Variants in KIAA1549L observed in about 807,000 individuals in gnomAD.
The protein encoded by KIAA1549L is KIAA1549 like.
Under a neutral mutation model 160.7 loss-of-function variants are expected in KIAA1549L, and 88 were observed. The ratio of observed to expected loss-of-function variants is 0.55; its 90% CI spans 0.46 to 0.65. The LOEUF (loss-of-function observed/expected upper bound fraction) is 0.65, where lower values mean the gene tolerates loss of function less well. KIAA1549L is among the 30% of genes least tolerant of loss of function. KIAA1549L has a pLI of 0.00. For missense variants in KIAA1549L, 2,258 were observed against 2,437.5 expected (o/e 0.93, Z 1.55); for synonymous variants, 950 against 976.7 (o/e 0.97, Z 0.51).
At chr11:33,534,197 CTCA>C (rs1489955005) in intron 1 of KIAA1549L, among the ~76,000 whole-genome samples, 1 of 152,078 alleles carries the variant, frequency 6.6e-6, no homozygotes. Flanking sequence ...ATTCTCCTGC[CTCA>C]GCCTCCTGAG....
chr11:33,659,249 G>A (rs1389174997), intron 19 of KIAA1549L, among the ~76,000 whole-genome samples: 1 of 152,160 alleles, frequency 6.6e-6, no homozygotes, highest in African/African-American at 2.4e-5. Flanking sequence ...CCGGGCTTCA[G>A]GTGATAGGTT....
At chr11:33,565,389 G>A (rs1855014881) in intron 8 of KIAA1549L, among the ~76,000 whole-genome samples, 2 of 152,176 alleles carry the variant, frequency 1.3e-5, no homozygotes, top group Admixed American at 6.5e-5. Context: ...CCTTATGATA[G>A]TACCAGGCTA....
chr11:33,461,938 A>G (rs138144657), intron 1 of KIAA1549L, among the ~76,000 whole-genome samples: 192 of 152,348 alleles, frequency 1.3e-3, no homozygotes, highest in Middle Eastern at 6.8e-3. Context: ...TGAAGAAAGT[A>G]TCTGTTGCTG....
intron 1 of KIAA1549L, among the ~76,000 whole-genome samples, chr11:33,531,727 A>G (rs1293675674): frequency 6.6e-6 from 1 of 152,192 alleles, no homozygotes; most frequent in Non-Finnish European, 1.5e-5. Context: ...CACGTTAGGC[A>G]AGAAGGTCCC....
At chr11:33,533,424 T>TG (rs1319447882) in intron 1 of KIAA1549L, among the ~76,000 whole-genome samples, 1 of 152,190 alleles carries the variant, frequency 6.6e-6, no homozygotes, top group Admixed American at 6.5e-5. Flanking sequence ...ACTTTCTTAA[T>TG]TCCTTTTATG....
At chr11:33,649,525 A>ATG (rs1302212947) in intron 17 of KIAA1549L, among the ~76,000 whole-genome samples, 3 of 127,110 alleles carry the variant, frequency 2.4e-5, no homozygotes, top group African/African-American at 8.2e-5. Flanking sequence ...AAAAAAAAAA[A>ATG]AAGAAGCAGC....
chr11:33,531,963 G>A (rs1160806020), intron 1 of KIAA1549L, among the ~76,000 whole-genome samples: 1 of 152,200 alleles, frequency 6.6e-6, no homozygotes, highest in East Asian at 1.9e-4. Flanking sequence ...AGGCAGCTCT[G>A]TGGGCCCCAG....
At chr11:33,623,475 T>C (rs1478841095) in intron 16 of KIAA1549L, among the ~76,000 whole-genome samples, 1 of 152,208 alleles carries the variant, frequency 6.6e-6, no homozygotes, top group Non-Finnish European at 1.5e-5. Context: ...CTTGATATGT[T>C]ATCTCGACTT....
chr11:33,622,575 C>T (rs1850988239), intron 16 of KIAA1549L, among the ~76,000 whole-genome samples: 1 of 152,204 alleles, frequency 6.6e-6, no homozygotes, highest in South Asian at 2.1e-4. Flanking sequence ...TTTCCTCTGT[C>T]CGGAGTGCAC....
At chr11:33,594,444 C>A (rs1850146398) in intron 12 of KIAA1549L, among the ~76,000 whole-genome samples, 1 of 152,140 alleles carries the variant, frequency 6.6e-6, no homozygotes, top group Admixed American at 6.5e-5. Flanking sequence ...GGTGACAGAT[C>A]AACTGGGCTG....
intron 1 of KIAA1549L, among the ~76,000 whole-genome samples, chr11:33,491,943 G>A (rs1852675321): frequency 6.6e-6 from 1 of 152,214 alleles, no homozygotes; most frequent in African/African-American, 2.4e-5. Flanking sequence ...CTAGGGAGGA[G>A]GTCAGAATAG....
chr11:33,422,355 T>G (rs1851030793), intron 1 of KIAA1549L, among the ~76,000 whole-genome samples: 1 of 152,082 alleles, frequency 6.6e-6, no homozygotes, highest in Non-Finnish European at 1.5e-5. Context: ...GTCTTGTACT[T>G]TCTTTCCCCT....
chr11:33,559,862 T>C lies in KIAA1549L; in HGVS notation c.3969T>C (p.Ala1323=). The C allele has an allele frequency of 6.2e-7, 1 of 1,613,558 alleles. No individual in the cohort carries two copies. Among genetic ancestry groups the C allele is most frequent in the Non-Finnish European group, 8.5e-7 (1 of 1,179,432 alleles). The change falls in exon 7 of 21, where the codon GCT becomes GCC. Residue 1323 remains alanine (A), a synonymous_variant. Transcript: ENST00000658780. The stretch of plus-strand genomic sequence containing the variant: ...GCAGCCTCCTCAGCCAGCTCTCGGC[T>C]GAGCTGGTGGGATTCTACCTCACCT... ...VASSLLSQLS[A]ELVGFYLTYP...
chr11:33,656,095 C>T lies in KIAA1549L; in HGVS notation c.5844C>T (p.Val1948=), dbSNP rs556081740. The part of the protein sequence containing the change: ...PVPPRTGPVA[V]ASLRRSTSDI... ...CTCCCCGGACTGGTCCTGTGGCTGT[C>T]GCTTCTCTCAGGCGGTAACACGTTC... Residue 1948 remains valine (V), a synonymous_variant, in exon 18 of 21, where the codon GTC becomes GTT. Coordinates refer to ENST00000658780, the MANE Select transcript of KIAA1549L (RefSeq NM_012194.3). 59 of 1,613,092 alleles carry T rather than the reference C, an allele frequency of 3.7e-5. No individual in the cohort carries two copies. In the South Asian group the frequency reaches 5.6e-4, roughly 15 times the overall value.
intron 15 of KIAA1549L, among the ~76,000 whole-genome samples, chr11:33,611,439 T>G (rs1365265638): frequency 2.0e-5 from 3 of 152,160 alleles, no homozygotes. Flanking sequence ...ATCAACATAA[T>G]TTATTTTCAA....
At chr11:33,656,333 T>C (rs913725717) in intron 18 of KIAA1549L, among the ~76,000 whole-genome samples, 1 of 152,148 alleles carries the variant, frequency 6.6e-6, no homozygotes, top group African/African-American at 2.4e-5. Flanking sequence ...GAATCCACAG[T>C]TGAAGAAGCC....
chr11:33,468,850 C>T (rs183047569), intron 1 of KIAA1549L, among the ~76,000 whole-genome samples: 11 of 152,174 alleles, frequency 7.2e-5, no homozygotes, highest in Non-Finnish European at 1.3e-4. Flanking sequence ...AGATACTGAG[C>T]TTATTATTTT....
chr11:33,594,301 A>G (rs893654356), intron 12 of KIAA1549L, among the ~76,000 whole-genome samples: 12 of 146,278 alleles, frequency 8.2e-5, no homozygotes, highest in African/African-American at 2.7e-4. Context: ...TAATAACTTA[A>G]AACAACAACC....
chr11:33,611,759 A>T (rs1327114859), intron 15 of KIAA1549L, among the ~76,000 whole-genome samples: 2 of 152,210 alleles, frequency 1.3e-5, no homozygotes, highest in African/African-American at 4.8e-5. Context: ...AAAGCCACGA[A>T]ATCAAGGTGA....
Sources: allele counts gnomAD v4.1 joint callset (sites outside exome capture counted in the v4.1 genomes callset), GRCh38; gene constraint gnomAD v4.1.1; transcripts MANE v1.5; gene names NCBI Gene and HGNC (gene_info 2026-07-23, HGNC 2026-07-21).